The following FOXP2 variants were observed in gnomAD, a reference collection of about 807,000 sequenced individuals.
FOXP2 encodes the protein forkhead box P2.
A neutral mutation model predicts 115.8 loss-of-function variants in FOXP2; 12 were observed. That is an observed-to-expected ratio of 0.10 (90% confidence interval 0.07 to 0.17). The LOEUF (loss-of-function observed/expected upper bound fraction) is 0.17. Ranked by LOEUF, FOXP2 falls within the 10% of genes least tolerant of loss-of-function variation. The pLI is 1.00. For synonymous variants in FOXP2, 328 were observed against 297.7 expected, an observed-to-expected ratio of 1.10 and a Z score of -1.05; for missense variants, 629 against 843.5, an observed-to-expected ratio of 0.75 and a Z score of 3.15.
At chr7:114,258,283 G>T (rs959551817) in intron 1 of FOXP2, among the ~76,000 whole-genome samples, 2 of 152,082 alleles carry the variant, frequency 1.3e-5, no homozygotes, top group African/African-American at 2.4e-5. Flanking sequence ...TGTACATGTG[G>T]GTTATGTGTC....
At chr7:114,395,632 G>T (rs1253545827) in intron 2 of FOXP2, among the ~76,000 whole-genome samples, 1 of 152,214 alleles carries the variant, frequency 6.6e-6, no homozygotes, top group South Asian at 2.1e-4. Flanking sequence ...TTTATTAAAA[G>T]ATATTATTAC....
chr7:114,122,044 A>T (rs1791581517), intron 1 of FOXP2, among the ~76,000 whole-genome samples: 1 of 152,140 alleles, frequency 6.6e-6, no homozygotes, highest in Non-Finnish European at 1.5e-5. Context: ...TTATAATTAC[A>T]CACATTACAT....
intron 1 of FOXP2, among the ~76,000 whole-genome samples, chr7:114,138,482 C>T (rs1195615476): frequency 4.6e-5 from 7 of 150,990 alleles, no homozygotes; most frequent in African/African-American, 1.7e-4. Context: ...ACCTCTGCCT[C>T]CCGGGTTCAC....
intron 2 of FOXP2, among the ~76,000 whole-genome samples, chr7:114,467,153 C>G (rs188926944): frequency 6.6e-6 from 1 of 152,244 alleles, no homozygotes; most frequent in Non-Finnish European, 1.5e-5. Context: ...TTAGCTTCTG[C>G]ATACATTCCT....
At chr7:114,461,399 C>T (rs1340610152) in intron 2 of FOXP2, among the ~76,000 whole-genome samples, 1 of 151,570 alleles carries the variant, frequency 6.6e-6, no homozygotes, top group Admixed American at 6.6e-5. Context: ...ATTGTTAGCC[C>T]TTATTTCTAG....
At chr7:114,401,086 G>C (rs530886106) in intron 2 of FOXP2, among the ~76,000 whole-genome samples, 1 of 152,098 alleles carries the variant, frequency 6.6e-6, no homozygotes, top group South Asian at 2.1e-4. Flanking sequence ...GGTGAGGAAC[G>C]TGATTAGATA....
At chr7:114,216,069 C>G (rs545343844) in intron 1 of FOXP2, among the ~76,000 whole-genome samples, 1 of 152,130 alleles carries the variant, frequency 6.6e-6, no homozygotes, top group Non-Finnish European at 1.5e-5. Context: ...ATCTTCTTTA[C>G]AGAAAGAATT....
At chr7:114,441,922 G>A (rs1205761922) in intron 2 of FOXP2, among the ~76,000 whole-genome samples, 4 of 152,138 alleles carry the variant, frequency 2.6e-5, no homozygotes. Context: ...ATGTAAAATG[G>A]TGCAACCACT....
At chr7:114,262,863 G>T (rs971590599) in intron 1 of FOXP2, among the ~76,000 whole-genome samples, 2 of 151,996 alleles carry the variant, frequency 1.3e-5, no homozygotes, top group South Asian at 4.1e-4. Context: ...TTATTTTTAG[G>T]TTTTTCTTTA....
intron 1 of FOXP2, among the ~76,000 whole-genome samples, chr7:114,221,278 T>C (rs989531616): frequency 9.8e-5 from 15 of 152,294 alleles, no homozygotes; most frequent in Middle Eastern, 6.8e-3. Context: ...ACTTTGTGGT[T>C]TTTTTATTTT....
At chr7:114,360,187 CTT>C (rs1791712643) in intron 2 of FOXP2, among the ~76,000 whole-genome samples, 1 of 152,140 alleles carries the variant, frequency 6.6e-6, no homozygotes, top group African/African-American at 2.4e-5. Flanking sequence ...CACCTGCTCT[CTT>C]GTCTGCTGCC....
intron 2 of FOXP2, among the ~76,000 whole-genome samples, chr7:114,385,343 C>T (rs538192757): frequency 7.9e-5 from 12 of 152,248 alleles, no homozygotes; most frequent in East Asian, 1.9e-4. Flanking sequence ...GAGAATTTTG[C>T]GGCTACGCTT....
chr7:114,140,101 C>T (rs991920389), intron 1 of FOXP2, among the ~76,000 whole-genome samples: 1 of 151,780 alleles, frequency 6.6e-6, no homozygotes. Context: ...TGACAAAGTG[C>T]GACTGTGTTT....
At chr7:114,519,235 G>A (rs935030535) in intron 2 of FOXP2, among the ~76,000 whole-genome samples, 2 of 152,118 alleles carry the variant, frequency 1.3e-5, no homozygotes, top group African/African-American at 4.8e-5. Flanking sequence ...TTTGGTGTTG[G>A]CAGGGTAAGA....
intron 2 of FOXP2, among the ~76,000 whole-genome samples, chr7:114,328,047 A>G (rs1183708110): frequency 1.3e-5 from 2 of 150,726 alleles, no homozygotes; most frequent in African/African-American, 4.9e-5. Flanking sequence ...CAGCCTCCCT[A>G]GTAGCTGAGC....
chr7:114,608,261 G>A (rs899767299), intron 3 of FOXP2, among the ~76,000 whole-genome samples: 6 of 152,178 alleles, frequency 3.9e-5, no homozygotes, highest in Non-Finnish European at 5.9e-5. Flanking sequence ...GATCTCACAA[G>A]GCTGCAATTG....
intron 1 of FOXP2, among the ~76,000 whole-genome samples, chr7:114,424,639 GT>G (rs1156246563): frequency 2.0e-5 from 3 of 151,064 alleles, no homozygotes; most frequent in Admixed American, 6.6e-5. Flanking sequence ...TATTAGCTTT[GT>G]TTTTTTCTTA....
At chr7:114,595,295 A>G (rs1012984871) in intron 3 of FOXP2, among the ~76,000 whole-genome samples, 2 of 151,956 alleles carry the variant, frequency 1.3e-5, no homozygotes, top group African/African-American at 2.4e-5. Context: ...ATCTACATTA[A>G]TTTTCCTATT....
intron 1 of FOXP2, among the ~76,000 whole-genome samples, chr7:114,174,176 A>G (rs1374554047): frequency 6.6e-6 from 1 of 151,864 alleles, no homozygotes; most frequent in Non-Finnish European, 1.5e-5. Flanking sequence ...ATGTGTATAT[A>G]TGTGTTTGTA....
Sources: gnomAD v4.1 joint callset for allele counts (sites outside exome capture counted in the v4.1 genomes callset) on GRCh38, gnomAD v4.1.1 for gene constraint, MANE v1.5 for transcripts, NCBI Gene and HGNC (gene_info 2026-07-23, HGNC 2026-07-21) for gene names.